CENPL: variants seen among roughly 807,000 people sequenced by gnomAD.
CENPL encodes centromere protein L.
CENPL carries 20 observed loss-of-function variants against 35.2 expected under a neutral mutation model. The ratio of observed to expected loss-of-function variants is 0.57; its 90% CI spans 0.40 to 0.83. The LOEUF (loss-of-function observed/expected upper bound fraction) is 0.83, where lower values mean the gene tolerates loss of function less well. Among genes scored for constraint, CENPL ranks in the 40% least tolerant of loss-of-function variants. The probability of loss-of-function intolerance (pLI) is 0.00; values close to 1 mark genes in which losing one functional copy is unlikely to be tolerated. For synonymous variants in CENPL, 140 were observed against 140.6 expected (o/e 1.00, Z 0.03); for missense variants, 363 against 395.8 (o/e 0.92, Z 0.70).
In CENPL at chr1:173,803,361, C is replaced by G. The variant is rs765678249; in HGVS notation, c.565G>C (p.Ala189Pro). Residue 189 changes from alanine (A) to proline (P), a missense_variant, in exon 5 of 6, where the codon GCA becomes CCA. Ala to Pro is a conservative substitution (Grantham distance 27). Transcript: ENST00000682279. Reference sequence around the variant, plus strand: ...CCAATTATTGCTGTGTTAGACTCTGCTCCATTTGCAAGGAATAAGGGCAGA... The same window carrying G: ...CCAATTATTGCTGTGTTAGACTCTGGTCCATTTGCAAGGAATAAGGGCAGA... ...TCLPLFLANGAESNTAIIGTW... is the reference protein window; with the variant it reads ...TCLPLFLANGPESNTAIIGTW... 40 of 1,614,000 alleles carry G rather than the reference C, an allele frequency of 2.5e-5. No homozygotes were observed. The highest frequency in any genetic ancestry group is 3.4e-5 in the Non-Finnish European group (40 of 1,179,984).
chr1:173,816,994 C>T (rs1346807861), intron 2 of CENPL, among the ~76,000 whole-genome samples: 1 of 151,942 alleles, frequency 6.6e-6, no homozygotes, highest in Non-Finnish European at 1.5e-5. Flanking sequence ...AAAAATTAGC[C>T]AGGCATGGTG....
chr1:173,819,123 G>A (rs1571967875), intron 2 of CENPL, among the ~76,000 whole-genome samples: 2 of 152,158 alleles, frequency 1.3e-5, no homozygotes, highest in Admixed American at 6.6e-5. Flanking sequence ...TGTGGTCCCA[G>A]CTACTCAGGA....
chr1:173,805,290 G>A (rs1417267138), intron 4 of CENPL, among the ~76,000 whole-genome samples: 4 of 152,144 alleles, frequency 2.6e-5, no homozygotes, highest in East Asian at 1.9e-4. Context: ...AGGCCAATGC[G>A]GGTGGATCAC....
chr1:173,803,393 A>G lies in CENPL; in HGVS notation c.533T>C (p.Phe178Ser). 6.2e-7 allele frequency: 1 copy of G among 1,614,054 alleles called. No homozygotes were observed. The highest frequency in any genetic ancestry group is 8.5e-7 in the Non-Finnish European group (1 of 1,179,902). Residue 178 changes from phenylalanine to serine, a missense_variant, in exon 5 of 6, where the codon TTC (phenylalanine) becomes TCC (serine). Phe to Ser is a radical substitution (Grantham distance 155). Transcript: ENST00000682279. ...DSLLETVSED[F>S]TCLPLFLANG... ...TGCAAGGAATAAGGGCAGACAGGTG[A>G]AATCTTCTGAAACAGTCTCCAGAAG...
chr1:173,823,227 G>T (rs1025199125), intron 2 of CENPL: 1 of 152,066 alleles, frequency 6.6e-6, no homozygotes, highest in Non-Finnish European at 1.5e-5. Flanking sequence ...ACATCTATAT[G>T]AAGTCAAATC....
intron 3 of CENPL, 93 bp downstream of exon 3, chr1:173,811,039 G>T: frequency 8.8e-7 from 1 of 1,132,370 alleles, no homozygotes; most frequent in Non-Finnish European, 1.3e-6. Context: ...GGGTTAAGAA[G>T]ATACTAAGAA....
intron 2 of CENPL, chr1:173,823,017 C>T (rs1310130221): frequency 6.6e-6 from 1 of 152,288 alleles, no homozygotes; most frequent in Non-Finnish European, 1.5e-5. Flanking sequence ...GGATTACAGG[C>T]ATAAGCCACC....
chr1:173,811,980 T>C (rs1451789468), intron 2 of CENPL, among the ~76,000 whole-genome samples: 2 of 152,240 alleles, frequency 1.3e-5, no homozygotes, highest in African/African-American at 4.8e-5. Flanking sequence ...CACTTTTCCA[T>C]ATGGCCCTGG....
Position 173,803,137 on chromosome 1 carries a change from A to T in CENPL, c.789T>A (p.Ala263=), listed in dbSNP as rs1325535101. The change falls in exon 5 of 6, where the codon GCT becomes GCA. Residue 263 remains alanine (A), a synonymous_variant. Transcript: ENST00000682279. ...SFAIHPEDAK[A]LWDSVHKTPG... ...GTGTTTTGTGGACACTGTCCCATAG[A>T]GCTTTTGCATCCTCTGGATGTATTG... is the stretch of plus-strand genomic sequence containing the variant. 1.2e-6 allele frequency: 2 copies of T among 1,614,102 alleles called. No individual in the cohort carries two copies. The highest frequency in any genetic ancestry group is 3.3e-5 in the Admixed American group (2 of 60,016).
chr1:173,812,588 C>T (rs549327120), intron 2 of CENPL, among the ~76,000 whole-genome samples: 89 of 152,194 alleles, frequency 5.8e-4, no homozygotes, highest in Non-Finnish European at 1.2e-3. Context: ...AGGGACCTGA[C>T]TGACAGAAGG....
At chr1:173,814,931 A>G (rs1651207926) in intron 2 of CENPL, among the ~76,000 whole-genome samples, 1 of 152,206 alleles carries the variant, frequency 6.6e-6, no homozygotes, top group African/African-American at 2.4e-5. Flanking sequence ...AAGTTGATAG[A>G]CCGTTAGCAA....
At chr1:173,809,080 C>T (rs1462417814) in intron 3 of CENPL, among the ~76,000 whole-genome samples, 2 of 152,166 alleles carry the variant, frequency 1.3e-5, no homozygotes, top group African/African-American at 4.8e-5. Flanking sequence ...GTGGCTCACA[C>T]CTGTAATCCC....
At chr1:173,814,855 G>A (rs1358684943) in intron 2 of CENPL, among the ~76,000 whole-genome samples, 1 of 151,920 alleles carries the variant, frequency 6.6e-6, no homozygotes, top group East Asian at 1.9e-4. Flanking sequence ...GAAGGAGATA[G>A]AAACACAAAA....
At chr1:173,823,734 G>C (rs1333153723) in intron 2 of CENPL, 192 bp downstream of exon 2, 2 of 152,070 alleles carry the variant, frequency 1.3e-5, no homozygotes, top group African/African-American at 4.8e-5. Flanking sequence ...TCCGTGAAGG[G>C]GCTCTGACTT....
chr1:173,803,255 A>C lies in CENPL; in HGVS notation c.671T>G (p.Met224Arg). Residue 224 changes from methionine (M) to arginine (R), a missense_variant, in exon 5 of 6, where the codon ATG (methionine) becomes AGG (arginine). Met to Arg is a moderately conservative substitution (Grantham distance 91). Coordinates refer to ENST00000682279, the MANE Select transcript of CENPL (RefSeq NM_001387287.1). Reference protein sequence around the residue: ...NAFNLSWMAAMWTACKMDHYV... With the variant: ...NAFNLSWMAARWTACKMDHYV... ...ATGGTCCATTTTGCATGCAGTCCAC[A>C]TGGCAGCCATCCAGGAAAGATTAAA... 6.2e-7 allele frequency: 1 copy of C among 1,614,012 alleles called. No homozygotes were observed.
chr1:173,815,158 G>C (rs1258691658), intron 2 of CENPL, among the ~76,000 whole-genome samples: 4 of 152,110 alleles, frequency 2.6e-5, no homozygotes, highest in Non-Finnish European at 1.5e-5. Flanking sequence ...TCACTGAATA[G>C]AACAATAACA....
At chr1:173,810,839 G>A (rs757922472) in intron 3 of CENPL, among the ~76,000 whole-genome samples, 14 of 152,022 alleles carry the variant, frequency 9.2e-5, no homozygotes, top group Admixed American at 2.0e-4. Context: ...GAGAATGGCC[G>A]CCAGGAGGCA....
In CENPL at chr1:173,803,455, C is replaced by A. The variant is rs765725420; in HGVS notation, c.471G>T (p.Leu157=). ...LPSENREGKV[L]WTGWFCCVFG... ...ATACACAGCAGAACCAGCCAGTCCA[C>A]AGCACTTTACCTTCTCTATTCTCAG... Residue 157 remains leucine, a synonymous_variant, in exon 5 of 6, where the codon CTG becomes CTT. Coordinates refer to ENST00000682279, the MANE Select transcript of CENPL (RefSeq NM_001387287.1). The A allele has an allele frequency of 2.1e-5, 33 of 1,609,258 alleles. No individual in the cohort carries two copies. The highest frequency in any genetic ancestry group is 2.6e-5 in the Non-Finnish European group (31 of 1,176,630).
Position 173,803,222 on chromosome 1 carries a change from G to A in CENPL, c.704C>T (p.Ala235Val). 1.2e-6 allele frequency: 2 copies of A among 1,613,798 alleles called. No individual in the cohort carries two copies. The highest frequency in any genetic ancestry group is 1.7e-6 in the Non-Finnish European group (2 of 1,179,660). The stretch of plus-strand genomic sequence containing the variant: ...TACAGACCAAAGAAATTCAGTAGTA[G>A]CCACATAATGGTCCATTTTGCATGC... ...WTACKMDHYVATTEFLWSVPC... is the reference protein window; with the variant it reads ...WTACKMDHYVVTTEFLWSVPC... The change falls in exon 5 of 6, where the codon GCT becomes GTT. Residue 235 changes from alanine to valine, a missense_variant. Transcript: ENST00000682279.
Sources: gnomAD v4.1 joint callset for allele counts (sites outside exome capture counted in the v4.1 genomes callset) on GRCh38, gnomAD v4.1.1 for gene constraint, MANE v1.5 for transcripts, NCBI Gene and HGNC (gene_info 2026-07-23, HGNC 2026-07-21) for gene names.